The following TMEM62 variants were observed in gnomAD, a reference collection of about 807,000 sequenced individuals.
TMEM62 encodes the protein transmembrane protein 62.
Under a neutral mutation model 70.4 loss-of-function variants are expected in TMEM62, and 41 were observed. That is an observed-to-expected ratio of 0.58 (90% CI 0.45 to 0.76). The LOEUF is 0.76. Among genes scored for constraint, TMEM62 ranks in the 30% least tolerant of loss-of-function variants. The pLI, the probability that TMEM62 is intolerant of heterozygous loss-of-function variation, is 0.00. For synonymous variants in TMEM62, 268 were observed against 291.0 expected, an observed-to-expected ratio of 0.92 and a Z score of 0.80; for missense variants, 688 against 788.5, an observed-to-expected ratio of 0.87 and a Z score of 1.53.
intron 10 of TMEM62, chr15:43,168,949 TG>T (rs1567226854): frequency 6.6e-6 from 1 of 152,286 alleles, no homozygotes; most frequent in Non-Finnish European, 1.5e-5. Flanking sequence ...GCTCCCTCTG[TG>T]GGTGCTGGCA....
chr15:43,134,081 C>T (rs1484854089), intron 1 of TMEM62, 99 bp downstream of exon 1: 2 of 1,439,706 alleles, frequency 1.4e-6, no homozygotes, highest in Non-Finnish European at 1.8e-6. Flanking sequence ...GGCTGGGGAC[C>T]TCAGTCAGAT....
chr15:43,134,577 G>A (rs2034933504), intron 2 of TMEM62, among the ~76,000 whole-genome samples: 1 of 152,182 alleles, frequency 6.6e-6, no homozygotes, highest in African/African-American at 2.4e-5. Flanking sequence ...ATTTGACGTA[G>A]CAAGGTTTTG....
chr15:43,135,663 G>A lies in TMEM62; in HGVS notation c.430+14G>A. ...AAGGAAATCATGGTAAGAGCCAAGA[G>A]CCAGATACAATAAAGACAAGAGTTT... is the stretch of plus-strand genomic sequence containing the variant. On this transcript the variant is annotated intron_variant, in intron 3 of 13. Coordinates refer to ENST00000260403, the MANE Select transcript of TMEM62 (RefSeq NM_024956.4). 2.5e-6 allele frequency: 4 copies of A among 1,572,490 alleles called. No individual in the cohort carries two copies. The highest frequency in any genetic ancestry group is 3.4e-6 in the Non-Finnish European group (4 of 1,168,068).
At chr15:43,160,916 C>A in intron 10 of TMEM62, 122 bp downstream of exon 10, 1 of 445,236 alleles carries the variant, frequency 2.2e-6, no homozygotes, top group South Asian at 6.3e-5. Context: ...CATCCATGGT[C>A]TGAAAATATT....
At chr15:43,161,023 G>A (rs569270098) in intron 10 of TMEM62, among the ~76,000 whole-genome samples, 1 of 151,952 alleles carries the variant, frequency 6.6e-6, no homozygotes, top group African/African-American at 2.4e-5. Context: ...TATTGTTGTC[G>A]ATCTGCTGTG....
intron 9 of TMEM62, among the ~76,000 whole-genome samples, chr15:43,159,987 T>C (rs1176273178): frequency 6.6e-6 from 1 of 152,116 alleles, no homozygotes; most frequent in Non-Finnish European, 1.5e-5. Flanking sequence ...TTTTGTTTTT[T>C]TGACAGAGTC....
In TMEM62 at chr15:43,161,650, T is replaced by C. The variant is rs1489091433; in HGVS notation, c.1296+856T>C. On this transcript the variant is annotated intron_variant, in intron 10 of 13. Transcript: ENST00000260403. Reference sequence around the variant, plus strand: ...TGTGTGTATATATGTATTTTGTTTGTTTGCTTGTTTGTTTTTTGTTTTTTC... The same window carrying C: ...TGTGTGTATATATGTATTTTGTTTGCTTGCTTGTTTGTTTTTTGTTTTTTC... Among the ~76,000 whole-genome samples, 4 of 152,100 alleles carry C rather than the reference T, an allele frequency of 2.6e-5. No homozygotes were observed. The East Asian group carries it at 7.7e-4, about 29-fold the overall frequency.
chr15:43,173,673 TC>T (rs1291424217), intron 11 of TMEM62, among the ~76,000 whole-genome samples: 1 of 152,154 alleles, frequency 6.6e-6, no homozygotes, highest in Non-Finnish European at 1.5e-5. Context: ...CCTGAAGACC[TC>T]CTTTATCATA....
chr15:43,146,929 T>C (rs1217299464), intron 5 of TMEM62, among the ~76,000 whole-genome samples: 1 of 152,210 alleles, frequency 6.6e-6, no homozygotes, highest in Non-Finnish European at 1.5e-5. Context: ...CAGCTTTGTG[T>C]GGTATATTCC....
At chr15:43,172,032 C>G (rs1479539699) in intron 11 of TMEM62, among the ~76,000 whole-genome samples, 1 of 152,040 alleles carries the variant, frequency 6.6e-6, no homozygotes, top group Non-Finnish European at 1.5e-5. Flanking sequence ...AGTTTATAAT[C>G]TCTAAAAAAA....
In TMEM62 at chr15:43,133,633, G is replaced by T. The variant is rs1185067557; in HGVS notation, c.-170G>T. 2.1e-5 allele frequency: 9 copies of T among 431,948 alleles called. No individual in the cohort carries two copies. The highest frequency in any genetic ancestry group is 3.4e-5 in the Non-Finnish European group (9 of 261,312). The allele number at this position is 431,948 out of a possible 1,614,324, so 26.8% of individuals were successfully genotyped here. A position where few individuals can be genotyped will look rare whatever the true frequency, so the allele number is the denominator to read the frequency against. ...AGGTGCTGGGCGGCGGCTGACGGGC[G>T]CAGCACCCTAGGCCCAGTGTCTGGC... On this transcript the variant is annotated 5_prime_UTR_variant, in exon 1 of 14. Coordinates refer to ENST00000260403, the MANE Select transcript of TMEM62 (RefSeq NM_024956.4).
At chr15:43,163,784 A>G (rs967296375) in intron 10 of TMEM62, among the ~76,000 whole-genome samples, 9 of 151,486 alleles carry the variant, frequency 5.9e-5, no homozygotes, top group African/African-American at 2.2e-4. Flanking sequence ...TCCGTCTCAA[A>G]AAAAAAACAA....
At chr15:43,140,912 T>C (rs2035913982) in intron 4 of TMEM62, among the ~76,000 whole-genome samples, 1 of 152,194 alleles carries the variant, frequency 6.6e-6, no homozygotes. Flanking sequence ...CATGATGTCA[T>C]TTGCCACCAG....
Position 43,184,265 on chromosome 15 carries a change from G to A in TMEM62, c.1611G>A (p.Ala537=), listed in dbSNP as rs372289189. The change falls in exon 14 of 14, where the codon GCG becomes GCA. Residue 537 remains alanine, a synonymous_variant. Coordinates refer to ENST00000260403, the MANE Select transcript of TMEM62 (RefSeq NM_024956.4). Reference sequence around the variant, plus strand: ...ATGGTTCTGTTCTTTTCCAGCTGGCGTTTTTTAACATCCCCTTGATGGCTT... The same window carrying A: ...ATGGTTCTGTTCTTTTCCAGCTGGCATTTTTTAACATCCCCTTGATGGCTT... ...ITFIIGILQL[A]FFNIPLMAYM... 1.1e-5 allele frequency: 17 copies of A among 1,610,736 alleles called. No individual in the cohort carries two copies. The highest frequency in any genetic ancestry group is 1.7e-5 in the Admixed American group (1 of 59,562).
chr15:43,160,088 G>A (rs956386281), intron 9 of TMEM62, among the ~76,000 whole-genome samples: 1 of 151,728 alleles, frequency 6.6e-6, no homozygotes, highest in Non-Finnish European at 1.5e-5. Context: ...CCTGCCTCAG[G>A]CCCCTGAGTA....
At chr15:43,149,819 A>G (rs1415036477) in intron 7 of TMEM62, among the ~76,000 whole-genome samples, 1 of 152,288 alleles carries the variant, frequency 6.6e-6, no homozygotes, top group Admixed American at 6.5e-5. Context: ...TGAATTTTGT[A>G]TCTACCATAC....
rs762523695 is a variant in TMEM62 at position 43,184,385 on chromosome 15, A to G, written c.1731A>G (p.Leu577=). The change falls in exon 14 of 14, where the codon CTA becomes CTG. Residue 577 remains leucine, a synonymous_variant. Transcript: ENST00000260403. ...ACTTGAAAATTATGCCTGTTCACCT[A>G]CTTATGCTACTGCTGTACATCTGGC... ...RKYLKIMPVH[L]LMLLLYIWQV... 2.5e-6 allele frequency: 4 copies of G among 1,614,192 alleles called. No individual in the cohort carries two copies. The South Asian group carries it at 3.3e-5, about 13-fold the overall frequency.
chr15:43,140,772 T>C (rs935268262), intron 4 of TMEM62, among the ~76,000 whole-genome samples: 9 of 152,216 alleles, frequency 5.9e-5, no homozygotes, highest in African/African-American at 2.2e-4. Flanking sequence ...GGGCTGCTCA[T>C]GGCAATAGAG....
intron 3 of TMEM62, 109 bp downstream of exon 3, chr15:43,135,758 A>C: frequency 8.1e-7 from 1 of 1,229,372 alleles, no homozygotes; most frequent in Non-Finnish European, 1.1e-6. Context: ...ATTTACATAT[A>C]CTAAAGGTCA....
Sources: allele counts gnomAD v4.1 joint callset (sites outside exome capture counted in the v4.1 genomes callset), GRCh38; gene constraint gnomAD v4.1.1; transcripts MANE v1.5; gene names NCBI Gene and HGNC (gene_info 2026-07-23, HGNC 2026-07-21).